Variants in LAMA2 observed in about 807,000 individuals in gnomAD.
LAMA2 encodes the protein laminin subunit alpha-2.
LAMA2 carries 269 observed loss-of-function variants against 364.8 expected under a neutral mutation model. The ratio of observed to expected loss-of-function variants is 0.74; its 90% CI spans 0.67 to 0.82. LAMA2 has a LOEUF of 0.82. Ranked by LOEUF, LAMA2 falls within the 40% of genes least tolerant of loss-of-function variation. The pLI, the probability that LAMA2 is intolerant of heterozygous loss-of-function variation, is 0.00. For missense variants in LAMA2, 3,807 were observed against 3,873.2 expected (o/e 0.98, Z 0.45); for synonymous variants, 1,379 against 1,370.6 (o/e 1.01, Z -0.14).
At position 128,905,957 on chromosome 6, in the gene LAMA2, C is replaced by T. The variant is rs552971772; in HGVS notation, c.112+22600C>T. Among the ~76,000 whole-genome samples, 3 of 151,700 alleles carry T rather than the reference C, an allele frequency of 2.0e-5. No homozygotes were observed. In the South Asian group the frequency reaches 6.3e-4, roughly 32 times the overall value. On this transcript the variant is annotated intron_variant, in intron 1 of 64. Transcript: ENST00000421865. ...ATTTCATCCATGTCCCTACAAAGGACATGAACTCATCATTTTTTATGGCTG... is the reference window on the plus strand; with the variant it reads ...ATTTCATCCATGTCCCTACAAAGGATATGAACTCATCATTTTTTATGGCTG...
intron 3 of LAMA2, among the ~76,000 whole-genome samples, chr6:129,083,410 A>T (rs2114843410): frequency 6.6e-6 from 1 of 152,360 alleles, no homozygotes; most frequent in African/African-American, 2.4e-5. Flanking sequence ...CAGTATCATG[A>T]GAGCCCACAA....
chr6:128,978,081 A>G (rs1782644084), intron 1 of LAMA2, among the ~76,000 whole-genome samples: 2 of 152,204 alleles, frequency 1.3e-5, no homozygotes, highest in South Asian at 4.1e-4. Context: ...TAAACCTGCA[A>G]TAGAATAATA....
intron 22 of LAMA2, among the ~76,000 whole-genome samples, chr6:129,301,163 G>A (rs1048898019): frequency 1.8e-4 from 28 of 152,074 alleles, no homozygotes; most frequent in African/African-American, 6.5e-4. Context: ...TAGGCACAAG[G>A]ACATACATGT....
intron 1 of LAMA2, among the ~76,000 whole-genome samples, chr6:128,989,904 C>G (rs1366513139): frequency 6.6e-6 from 1 of 152,058 alleles, no homozygotes; most frequent in Non-Finnish European, 1.5e-5. Context: ...TTTTCTGTAG[C>G]CTCGCATGAT....
intron 41 of LAMA2, 61 bp from the exon 42 acceptor site, chr6:129,438,585 C>G (rs1781946117): frequency 1.2e-6 from 1 of 817,062 alleles, no homozygotes; most frequent in South Asian, 1.5e-5. Context: ...ATTGCACATC[C>G]AAGTATAAGC....
chr6:128,888,669 G>A (rs978788003), intron 1 of LAMA2, among the ~76,000 whole-genome samples: 1 of 152,150 alleles, frequency 6.6e-6, no homozygotes, highest in Non-Finnish European at 1.5e-5. Flanking sequence ...CAGGGAGCAG[G>A]CCTATGAGGA....
chr6:128,905,377 T>A (rs899114682), intron 1 of LAMA2: 1 of 152,134 alleles, frequency 6.6e-6, no homozygotes, highest in African/African-American at 2.4e-5. Context: ...AAATTTTAAC[T>A]ATTTTTTTCT....
At chr6:129,152,704 C>A (rs868543673) in intron 7 of LAMA2, among the ~76,000 whole-genome samples, 2 of 152,080 alleles carry the variant, frequency 1.3e-5, no homozygotes, top group Admixed American at 6.6e-5. Flanking sequence ...AACATTAGAG[C>A]GCCTCCCTCC....
intron 40 of LAMA2, among the ~76,000 whole-genome samples, chr6:129,404,782 A>T (rs1780160347): frequency 6.6e-6 from 1 of 152,168 alleles, no homozygotes; most frequent in South Asian, 2.1e-4. Flanking sequence ...AGTGAAATAC[A>T]CATAAGCAGT....
intron 1 of LAMA2, among the ~76,000 whole-genome samples, chr6:128,962,343 T>C (rs1257916238): frequency 6.6e-6 from 1 of 151,628 alleles, no homozygotes; most frequent in African/African-American, 2.4e-5. Flanking sequence ...GAATATGATA[T>C]TACTTTCATA....
At chr6:129,196,474 A>G (rs912892454) in intron 12 of LAMA2, among the ~76,000 whole-genome samples, 1 of 152,194 alleles carries the variant, frequency 6.6e-6, no homozygotes, top group Non-Finnish European at 1.5e-5. Flanking sequence ...TTGCTCAGAA[A>G]TGCCCATTGA....
chr6:129,088,777 C>T (rs986363332), intron 3 of LAMA2, among the ~76,000 whole-genome samples: 7 of 152,058 alleles, frequency 4.6e-5, no homozygotes, highest in Non-Finnish European at 8.8e-5. Flanking sequence ...AGAGACGCTC[C>T]TCACTTCCTA....
intron 3 of LAMA2, among the ~76,000 whole-genome samples, chr6:129,060,976 C>T (rs1026382563): frequency 6.6e-6 from 1 of 152,118 alleles, no homozygotes; most frequent in South Asian, 2.1e-4. Flanking sequence ...CTTATTTCTA[C>T]CCTCACTAAT....
chr6:129,114,611 A>G (rs988315831), intron 4 of LAMA2, among the ~76,000 whole-genome samples: 1 of 151,936 alleles, frequency 6.6e-6, no homozygotes, highest in African/African-American at 2.4e-5. Flanking sequence ...AAAACTCTAT[A>G]TTTTATGTGC....
chr6:129,171,294 C>T (rs1287144070), intron 9 of LAMA2, among the ~76,000 whole-genome samples: 11 of 151,412 alleles, frequency 7.3e-5, no homozygotes, highest in South Asian at 2.1e-4. Flanking sequence ...ATTTGGCATG[C>T]TTTTGCAGTG....
intron 1 of LAMA2, among the ~76,000 whole-genome samples, chr6:129,005,146 C>T (rs1057476679): frequency 1.3e-5 from 2 of 151,550 alleles, no homozygotes; most frequent in Admixed American, 6.6e-5. Context: ...TTCTGAAAAA[C>T]ATTAAGGTTT....
chr6:129,389,911 C>A (rs1051070117), intron 35 of LAMA2, among the ~76,000 whole-genome samples: 1 of 152,044 alleles, frequency 6.6e-6, no homozygotes, highest in African/African-American at 2.4e-5. Context: ...TTGAGGTGGT[C>A]GGTGGGGGGA....
intron 45 of LAMA2, among the ~76,000 whole-genome samples, chr6:129,447,271 A>G (rs1782434372): frequency 1.3e-5 from 2 of 152,354 alleles, no homozygotes; most frequent in South Asian, 4.1e-4. Flanking sequence ...GTGAGAAGTG[A>G]CATAAAAGTT....
At chr6:129,110,408 G>C (rs549351377) in intron 4 of LAMA2, among the ~76,000 whole-genome samples, 1 of 151,996 alleles carries the variant, frequency 6.6e-6, no homozygotes, top group Non-Finnish European at 1.5e-5. Flanking sequence ...TGCTAGATTT[G>C]CTGGTTATTA....
Sources: allele counts gnomAD v4.1 joint callset (sites outside exome capture counted in the v4.1 genomes callset), GRCh38; gene constraint gnomAD v4.1.1; transcripts MANE v1.5; gene names NCBI Gene and HGNC (gene_info 2026-07-23, HGNC 2026-07-21).